IGFBP4: variants seen among roughly 807,000 people sequenced by gnomAD.
IGFBP4 encodes insulin like growth factor binding protein 4, also known as insulin-like growth factor-binding protein 4.
In IGFBP4, 9 loss-of-function variants were observed where a neutral mutation model predicts 25.8. The observed-to-expected ratio is 0.35, with a 90% CI of 0.21 to 0.61. The LOEUF (loss-of-function observed/expected upper bound fraction) is 0.61, where lower values mean the gene tolerates loss of function less well. Among genes scored for constraint, IGFBP4 ranks in the 20% least tolerant of loss-of-function variants. The pLI is 0.77. For synonymous variants in IGFBP4, 153 were observed against 153.9 expected (o/e 0.99, Z 0.05); for missense variants, 315 against 365.3 (o/e 0.86, Z 1.12).
At chr17:40,451,874 T>C (rs1240676956) in intron 1 of IGFBP4, among the ~76,000 whole-genome samples, 1 of 152,220 alleles carries the variant, frequency 6.6e-6, no homozygotes, top group Non-Finnish European at 1.5e-5. Flanking sequence ...TCTTGCTCTG[T>C]CACCCAGGCT....
chr17:40,454,126 G>A, intron 3 of IGFBP4, 64 bp downstream of exon 3: 5 of 1,564,168 alleles, frequency 3.2e-6, no homozygotes, highest in African/African-American at 1.4e-5. Context: ...CGGCCTCTCC[G>A]CAGGATGGTC....
chr17:40,451,297 C>T (rs11658431), intron 1 of IGFBP4, among the ~76,000 whole-genome samples: 4 of 152,162 alleles, frequency 2.6e-5, no homozygotes, highest in African/African-American at 9.7e-5. Context: ...TTCCTCTTTT[C>T]TAAGCCAGCT....
chr17:40,456,104 C>A (rs181631807), intron 3 of IGFBP4, among the ~76,000 whole-genome samples: 2 of 152,134 alleles, frequency 1.3e-5, no homozygotes, highest in Non-Finnish European at 2.9e-5. Context: ...TTGGATCCAC[C>A]TCATAACTAT....
chr17:40,456,348 A>C, intron 3 of IGFBP4, 101 bp from the exon 4 acceptor site: 1 of 1,239,778 alleles, frequency 8.1e-7, no homozygotes, highest in East Asian at 2.4e-5. Flanking sequence ...TGAAGCAGCG[A>C]CCGTCTGACT....
At chr17:40,455,817 G>GA (rs1450475779) in intron 3 of IGFBP4, among the ~76,000 whole-genome samples, 2 of 152,176 alleles carry the variant, frequency 1.3e-5, no homozygotes, top group East Asian at 1.9e-4. Flanking sequence ...TCTGACACTT[G>GA]AACTTTATCC....
chr17:40,454,718 C>T (rs939867690), intron 3 of IGFBP4, among the ~76,000 whole-genome samples: 7 of 152,196 alleles, frequency 4.6e-5, no homozygotes, highest in African/African-American at 1.7e-4. Context: ...CTCCAGGAGG[C>T]TGGGATGGTC....
At chr17:40,444,884 A>G (rs371762491) in intron 1 of IGFBP4, among the ~76,000 whole-genome samples, 109 of 80,316 alleles carry the variant, frequency 1.4e-3, no homozygotes, top group Middle Eastern at 6.8e-3. Context: ...GAGAGAGAGA[A>G]ACACACACAC....
chr17:40,445,544 ACTCCAG>A (rs2035639842), intron 1 of IGFBP4, among the ~76,000 whole-genome samples: 1 of 151,362 alleles, frequency 6.6e-6, no homozygotes, highest in Non-Finnish European at 1.5e-5. Flanking sequence ...AAGGAGGTGG[ACTCCAG>A]GGGTCTGGGC....
At chr17:40,455,649 T>C (rs1597677100) in intron 3 of IGFBP4, among the ~76,000 whole-genome samples, 1 of 152,042 alleles carries the variant, frequency 6.6e-6, no homozygotes, top group Non-Finnish European at 1.5e-5. Flanking sequence ...ACCCGGCTAA[T>C]TTTTTGTATT....
In IGFBP4 at chr17:40,444,085, G is replaced by GT; in HGVS notation, c.349+2dup. ...ATCCAGGAAAGCCTGCAGCCCTCTGGTAAGGTACCCCTGGCCTCCCAATTC... is the reference window on the plus strand; with the variant it reads ...ATCCAGGAAAGCCTGCAGCCCTCTGGTTAAGGTACCCCTGGCCTCCCAATTC... On this transcript the variant is annotated splice_donor_variant, in intron 1 of 3. Coordinates refer to ENST00000269593, the MANE Select transcript of IGFBP4 (RefSeq NM_001552.3). LOFTEE classifies it high-confidence loss of function. 11 of 1,534,114 alleles carry GT rather than the reference G, an allele frequency of 7.2e-6. No individual in the cohort carries two copies. Among genetic ancestry groups the GT allele is most frequent in the Non-Finnish European group, 9.6e-6 (11 of 1,145,106 alleles).
intron 1 of IGFBP4, among the ~76,000 whole-genome samples, chr17:40,451,478 C>A (rs1344779106): frequency 6.6e-6 from 1 of 151,798 alleles, no homozygotes; most frequent in Admixed American, 6.6e-5. Context: ...GAGAACCAAC[C>A]CCCCCAGCTT....
At chr17:40,446,486 C>T (rs754148906) in intron 1 of IGFBP4, among the ~76,000 whole-genome samples, 9 of 151,848 alleles carry the variant, frequency 5.9e-5, no homozygotes, top group South Asian at 2.1e-4. Flanking sequence ...CATGGTGGTG[C>T]GTGCCTGTAG....
At position 40,453,134 on chromosome 17, in the gene IGFBP4, CG is replaced by C. The variant is rs2035695440; in HGVS notation, c.501del (p.Pro168LeufsTer68). On this transcript the variant is annotated frameshift_variant, in exon 2 of 4. Coordinates refer to ENST00000269593, the MANE Select transcript of IGFBP4 (RefSeq NM_001552.3). LOFTEE classifies it high-confidence loss of function. The surrounding 1 kb of genome is among the most constrained non-coding windows in gnomAD (Gnocchi z 4.0). ...CAATGGGGCGCCCCGGGAGGATGCC[CG>C]GCCTGTGGTAAGGACCTCCGATGCA... is the stretch of plus-strand genomic sequence containing the variant. ...KVNGAPREDA[R>X]PVPQGSCQSE... 6.4e-7 allele frequency: 1 copy of C among 1,566,984 alleles called. No homozygotes were observed. Among genetic ancestry groups the C allele is most frequent in the Admixed American group, 1.9e-5 (1 of 53,634 alleles).
chr17:40,446,835 C>T (rs2143736921), intron 1 of IGFBP4, among the ~76,000 whole-genome samples: 1 of 152,240 alleles, frequency 6.6e-6, no homozygotes, highest in South Asian at 2.1e-4. Context: ...CCGTGCCCTC[C>T]CACACCTCCT....
chr17:40,450,498 T>C (rs2035676378), intron 1 of IGFBP4, among the ~76,000 whole-genome samples: 1 of 152,164 alleles, frequency 6.6e-6, no homozygotes, highest in Non-Finnish European at 1.5e-5. Flanking sequence ...GACATTTGGT[T>C]CTAATTCTTT....
rs2035716736 is a variant in IGFBP4, at chr17:40,456,710, A to G, written c.*127A>G. Reference sequence around the variant, plus strand: ...GCCTGCGGCCCAGAAGTTTCCCTCAAATGCGCGTGTGCACGTGTGCGTGTG... The same window carrying G: ...GCCTGCGGCCCAGAAGTTTCCCTCAGATGCGCGTGTGCACGTGTGCGTGTG... On this transcript the variant is annotated 3_prime_UTR_variant, in exon 4 of 4. Transcript: ENST00000269593. The G allele has an allele frequency of 1.1e-6, 1 of 911,868 alleles. No individual in the cohort carries two copies. The highest frequency in any genetic ancestry group is 1.7e-5 in the African/African-American group (1 of 59,820). 56.5% of individuals were successfully genotyped at this position (911,868 alleles called of 1,614,324 possible). A position where few individuals can be genotyped will look rare whatever the true frequency, so the allele number is the denominator to read the frequency against.
chr17:40,444,514 A>C (rs2035629610), intron 1 of IGFBP4, among the ~76,000 whole-genome samples: 1 of 151,980 alleles, frequency 6.6e-6, no homozygotes, highest in Non-Finnish European at 1.5e-5. Context: ...GTGAAATCCC[A>C]GTGGTCTGGG....
chr17:40,447,915 G>A (rs1039957836), intron 1 of IGFBP4, among the ~76,000 whole-genome samples: 3 of 152,064 alleles, frequency 2.0e-5, no homozygotes, highest in African/African-American at 7.2e-5. Flanking sequence ...GTTGAGAGGG[G>A]TGGGGTGGCC....
intron 1 of IGFBP4, among the ~76,000 whole-genome samples, chr17:40,451,525 G>A (rs1312910814): frequency 6.6e-6 from 1 of 151,884 alleles, no homozygotes; most frequent in Non-Finnish European, 1.5e-5. Flanking sequence ...CCCAGAGGCA[G>A]CTCTGGGATC....
Sources: gnomAD v4.1 joint callset for allele counts (sites outside exome capture counted in the v4.1 genomes callset) on GRCh38, gnomAD v4.1.1 for gene constraint, Gnocchi (gnomAD v3.1) non-coding constraint, MANE v1.5 for transcripts, NCBI Gene and HGNC (gene_info 2026-07-23, HGNC 2026-07-21) for gene names.